Variants in ADCY2 observed in about 807,000 individuals in gnomAD.
ADCY2 encodes adenylate cyclase type 2.
ADCY2 carries 31 observed loss-of-function variants against 125.2 expected under a neutral mutation model. The ratio of observed to expected loss-of-function variants is 0.25; its 90% confidence interval spans 0.19 to 0.33. The LOEUF is 0.33. ADCY2 is among the 10% of genes least tolerant of loss of function. The pLI is 1.00. For missense variants in ADCY2, 904 were observed against 1,418.2 expected (o/e 0.64, Z 5.82); for synonymous variants, 512 against 548.4 (o/e 0.93, Z 0.93).
At chr5:7,603,784 CTT>C in intron 3 of ADCY2, among the ~76,000 whole-genome samples, 10,545 of 62,364 alleles carry the variant, frequency 0.17, 63 homozygotes, top group East Asian at 0.3. Context: ...TGCTCTCTTT[CTT>C]TTTTTTTTTT....
At chr5:7,528,624 T>C (rs758010007) in intron 3 of ADCY2, among the ~76,000 whole-genome samples, 69 of 152,334 alleles carry the variant, frequency 4.5e-4, no homozygotes, top group Non-Finnish European at 8.5e-4. Flanking sequence ...CTTGATTCCA[T>C]CATCTGTACC....
At chr5:7,466,581 C>A (rs887334418) in intron 2 of ADCY2, among the ~76,000 whole-genome samples, 1 of 152,230 alleles carries the variant, frequency 6.6e-6, no homozygotes, top group Non-Finnish European at 1.5e-5. Context: ...GCTATCCTAC[C>A]TCGCAATGAG....
In ADCY2 at chr5:7,724,681, G is replaced by T. The variant is rs568327462; in HGVS notation, c.1773+67G>T. 4.2e-4 allele frequency: 509 copies of T among 1,203,226 alleles called. 1 individual carries two copies. In the South Asian group the frequency reaches 4.2e-3, roughly 10 times the overall value. 74.5% of individuals were successfully genotyped at this position (1,203,226 alleles called of 1,614,324 possible). A position where few individuals can be genotyped will look rare whatever the true frequency, so the allele number is the denominator to read the frequency against. ...GAAATTTGAATTTCTTCATGAAATT[G>T]TGCTCATGTTTTTTATATGTGACAT... On this transcript the variant is annotated intron_variant, in intron 13 of 24. Transcript: ENST00000338316.
intron 3 of ADCY2, among the ~76,000 whole-genome samples, chr5:7,548,371 G>A (rs1465252555): frequency 1.3e-5 from 2 of 151,902 alleles, no homozygotes; most frequent in Non-Finnish European, 2.9e-5. Flanking sequence ...GTATATATAG[G>A]AGTGTGTGTA....
intron 3 of ADCY2, among the ~76,000 whole-genome samples, chr5:7,542,802 C>T (rs1006282838): frequency 2.0e-5 from 3 of 152,234 alleles, no homozygotes; most frequent in Non-Finnish European, 4.4e-5. Flanking sequence ...TCCACAGCAA[C>T]ACCTAGATAA....
In ADCY2 at chr5:7,828,316, AG is replaced by A. The variant is rs1745549135; in HGVS notation, c.*1446del. ...CGTGGGAACTCGAACTTGAAGCACA[AG>A]TTCCTGGTTTGAATCCTGGCTCTGA... On this transcript the variant is annotated 3_prime_UTR_variant, in exon 25 of 25. Transcript: ENST00000338316. The A allele has an allele frequency of 6.6e-6, 1 of 152,588 alleles. No individual in the cohort carries two copies. 9.5% of individuals were successfully genotyped at this position (152,588 alleles called of 1,614,324 possible).
At chr5:7,514,911 CT>C (rs986944058) in intron 2 of ADCY2, among the ~76,000 whole-genome samples, 1 of 152,170 alleles carries the variant, frequency 6.6e-6, no homozygotes, top group Non-Finnish European at 1.5e-5. Flanking sequence ...AATTTTTAGC[CT>C]CCCAACTGTG....
intron 2 of ADCY2, among the ~76,000 whole-genome samples, chr5:7,512,308 T>C (rs7711777): frequency 0.024 from 3,700 of 151,512 alleles, 152 homozygotes; most frequent in African/African-American, 0.085. Context: ...TAACATATTG[T>C]TTTGACTTCT....
intron 2 of ADCY2, among the ~76,000 whole-genome samples, chr5:7,433,431 C>T (rs1000999510): frequency 2.0e-5 from 3 of 150,764 alleles, no homozygotes; most frequent in Admixed American, 1.3e-4. Context: ...TGTGTGTGTG[C>T]ACACACACAT....
intron 2 of ADCY2, among the ~76,000 whole-genome samples, chr5:7,494,941 T>G (rs183010386): frequency 1.3e-5 from 2 of 152,350 alleles, no homozygotes; most frequent in Non-Finnish European, 2.9e-5. Flanking sequence ...CCGGACCAGC[T>G]GCCATGTTGT....
intron 18 of ADCY2, among the ~76,000 whole-genome samples, chr5:7,780,165 G>T (rs1306409064): frequency 1.3e-5 from 2 of 152,188 alleles, no homozygotes; most frequent in Non-Finnish European, 2.9e-5. Context: ...TTTCTGACAA[G>T]GCATGGGACT....
In ADCY2 at chr5:7,488,462, T is replaced by G. The variant is rs1265733959; in HGVS notation, c.409-32276T>G. Among the ~76,000 whole-genome samples the G allele has an allele frequency of 2.0e-5, 3 of 152,166 alleles. No individual in the cohort carries two copies. In the East Asian group the frequency reaches 5.8e-4, roughly 29 times the overall value. ...GGGTCACTGACTCCCTCCATCCCTC[T>G]GTCTTGTGGGGAATTCCTTGTGCCC... On this transcript the variant is annotated intron_variant, in intron 2 of 24. Transcript: ENST00000338316.
chr5:7,784,502 T>C, intron 19 of ADCY2, 53 bp downstream of exon 19: 1 of 1,306,812 alleles, frequency 7.7e-7, no homozygotes, highest in Non-Finnish European at 1.1e-6. Flanking sequence ...AGTGCTGTAT[T>C]AATAGTGCTT....
intron 12 of ADCY2, among the ~76,000 whole-genome samples, chr5:7,720,505 G>C (rs1318564059): frequency 2.0e-5 from 3 of 152,032 alleles, no homozygotes; most frequent in African/African-American, 4.8e-5. Flanking sequence ...CCATTAACTT[G>C]TCATTTACAT....
intron 2 of ADCY2, among the ~76,000 whole-genome samples, chr5:7,505,483 G>A (rs1434828175): frequency 6.6e-6 from 1 of 152,220 alleles, no homozygotes; most frequent in East Asian, 1.9e-4. Context: ...ACATACAGGG[G>A]AGAGCACAAG....
chr5:7,553,061 A>G (rs910249844), intron 3 of ADCY2, among the ~76,000 whole-genome samples: 1 of 152,184 alleles, frequency 6.6e-6, no homozygotes, highest in Non-Finnish European at 1.5e-5. Flanking sequence ...AAGCCTGATA[A>G]GACTCAGACT....
At chr5:7,807,698 A>G (rs1744796872) in intron 22 of ADCY2, among the ~76,000 whole-genome samples, 1 of 152,106 alleles carries the variant, frequency 6.6e-6, no homozygotes, top group South Asian at 2.1e-4. Flanking sequence ...GACTTGGATC[A>G]CTTCCAGCTT....
chr5:7,668,174 A>G (rs1266609014), intron 4 of ADCY2, among the ~76,000 whole-genome samples: 3 of 152,244 alleles, frequency 2.0e-5, no homozygotes, highest in African/African-American at 4.8e-5. Context: ...GTCAAAGACT[A>G]GATGTTTTTG....
At chr5:7,534,290 A>T (rs1193718393) in intron 3 of ADCY2, among the ~76,000 whole-genome samples, 3 of 152,226 alleles carry the variant, frequency 2.0e-5, no homozygotes, top group Admixed American at 1.3e-4. Flanking sequence ...GGTTCTGTCA[A>T]TTATGTAATG....
Sources: gnomAD v4.1 joint callset for allele counts (sites outside exome capture counted in the v4.1 genomes callset) on GRCh38, gnomAD v4.1.1 for gene constraint, MANE v1.5 for transcripts, NCBI Gene and HGNC (gene_info 2026-07-23, HGNC 2026-07-21) for gene names.